The following PPP2R5C variants were observed in gnomAD, a reference collection of about 807,000 sequenced individuals.
The protein encoded by PPP2R5C is protein phosphatase 2 regulatory subunit B'gamma.
Under a neutral mutation model 68.9 loss-of-function variants are expected in PPP2R5C, and 7 were observed. The ratio of observed to expected loss-of-function variants is 0.10; its 90% CI spans 0.06 to 0.19. The LOEUF (loss-of-function observed/expected upper bound fraction) is 0.19. PPP2R5C is among the 10% of genes least tolerant of loss of function. The probability of loss-of-function intolerance (pLI) is 1.00; values close to 1 mark genes in which losing one functional copy is unlikely to be tolerated. For synonymous variants in PPP2R5C, 210 were observed against 222.2 expected, an observed-to-expected ratio of 0.95 and a Z score of 0.49; for missense variants, 348 against 641.3, an observed-to-expected ratio of 0.54 and a Z score of 4.94.
intron 2 of PPP2R5C, among the ~76,000 whole-genome samples, chr14:101,876,882 A>G (rs983550328): frequency 1.3e-5 from 2 of 150,050 alleles, no homozygotes; most frequent in Admixed American, 6.7e-5. Flanking sequence ...GTGCTGTTGC[A>G]TGTGTTTTCT....
chr14:101,761,722 C>A, upstream of PPP2R5C: 1 of 933,274 alleles, frequency 1.1e-6, no homozygotes, highest in Non-Finnish European at 1.3e-6. Flanking sequence ...GCCGTGGCTG[C>A]CGCAGCCTCT....
intron 1 of PPP2R5C, among the ~76,000 whole-genome samples, chr14:101,815,349 G>C (rs368261178): frequency 6.6e-6 from 1 of 152,268 alleles, no homozygotes; most frequent in East Asian, 1.9e-4. Flanking sequence ...TTTCTGTACA[G>C]TGGTAATGGA....
At chr14:101,787,514 A>G (rs564586001) in intron 3 of PPP2R5C, among the ~76,000 whole-genome samples, 10 of 152,062 alleles carry the variant, frequency 6.6e-5, no homozygotes, top group Non-Finnish European at 1.5e-4. Flanking sequence ...CTGTAATCCC[A>G]GCACTTTGGG....
At chr14:101,925,038 G>A in intron 13 of PPP2R5C, 103 bp from the exon 16 acceptor site, 1 of 1,347,702 alleles carries the variant, frequency 7.4e-7, no homozygotes, top group African/African-American at 1.4e-5. Flanking sequence ...GAGTGGGTGA[G>A]GCACACGTGC....
chr14:101,794,043 C>T (rs1258166144), intron 3 of PPP2R5C, among the ~76,000 whole-genome samples: 3 of 152,092 alleles, frequency 2.0e-5, no homozygotes, highest in Admixed American at 6.5e-5. Flanking sequence ...GATGGAGGCA[C>T]GGGGCAAGCC....
intron 2 of PPP2R5C, among the ~76,000 whole-genome samples, chr14:101,881,713 G>A (rs188964466): frequency 2.0e-5 from 3 of 152,348 alleles, no homozygotes; most frequent in Non-Finnish European, 2.9e-5. Flanking sequence ...ATTGTCACAC[G>A]GGTCCTCCCT....
Position 101,781,277 on chromosome 14 carries a change from A to G in PPP2R5C, c.94-4741A>G, listed in dbSNP as rs1458996485. On this transcript the variant is annotated intron_variant, in intron 2 of 14. Coordinates refer to the PPP2R5C transcript ENST00000328724. This position sits in a 1 kb window ranked among gnomAD's most constrained non-coding sequence, Gnocchi z 6.4. The stretch of plus-strand genomic sequence containing the variant: ...GTTTACAGCTGCCGTATTTCCCGGG[A>G]CCCTGGCTTCTGTCCTCAGGGACCC... 6.6e-6 allele frequency among the ~76,000 whole-genome samples: 1 copy of G among 151,812 alleles called. No homozygotes were observed. The highest frequency in any genetic ancestry group is 1.9e-4 in the East Asian group (1 of 5,162).
intron 1 of PPP2R5C, among the ~76,000 whole-genome samples, chr14:101,840,716 G>C (rs1341119097): frequency 6.6e-6 from 1 of 152,032 alleles, no homozygotes; most frequent in Non-Finnish European, 1.5e-5. Context: ...AGTTCCTATT[G>C]CACTGCCCTG....
intron 10 of PPP2R5C, among the ~76,000 whole-genome samples, chr14:101,907,947 A>G (rs2046150114): frequency 6.6e-6 from 1 of 152,182 alleles, no homozygotes; most frequent in Non-Finnish European, 1.5e-5. Flanking sequence ...ACTCGCGTCA[A>G]GTCTTCTGAG....
chr14:101,917,247 G>A lies in PPP2R5C; in HGVS notation c.1327-584G>A, dbSNP rs907392850. Among the ~76,000 whole-genome samples, 1 of 152,194 alleles carries A rather than the reference G, an allele frequency of 6.6e-6. No homozygotes were observed. The highest frequency in any genetic ancestry group is 2.4e-5 in the African/African-American group (1 of 41,436). On this transcript the variant is annotated intron_variant, in intron 12 of 13. Coordinates refer to ENST00000334743, the Ensembl canonical transcript of PPP2R5C. The surrounding 1 kb of genome is among the most constrained non-coding windows in gnomAD (Gnocchi z 4.4). ...GTCCCAGGGCCGCCCGTAGGGAATG[G>A]AGAGGGAGCGTCAGGCTCACCCAGG...
At chr14:101,896,782 C>G (rs1190467616) in intron 8 of PPP2R5C, among the ~76,000 whole-genome samples, 1 of 151,880 alleles carries the variant, frequency 6.6e-6, no homozygotes, top group African/African-American at 2.4e-5. Flanking sequence ...TTTGAATGCT[C>G]TTTTAAAAGT....
At chr14:101,761,702 CGCCGCCGCCGCCGTGGCT>C (rs1445514378), upstream of PPP2R5C, 1 of 388,820 alleles carries the variant, frequency 2.6e-6, no homozygotes, top group Non-Finnish European at 3.5e-6. Flanking sequence ...CCGCCGCCGC[CGCCGCCGCCGCCGTGGCT>C]GCCGCAGCCT....
At chr14:101,883,626 C>T (rs1214574973) in intron 5 of PPP2R5C, 64 bp downstream of exon 7, 9 of 1,567,056 alleles carry the variant, frequency 5.7e-6, no homozygotes, top group Non-Finnish European at 7.8e-6. Flanking sequence ...CCTCGATGCT[C>T]CCCTACCCCA....
chr14:101,923,106 G>C (rs1741141), intron 13 of PPP2R5C, among the ~76,000 whole-genome samples: 50,903 of 152,170 alleles, frequency 0.33, 12,699 homozygotes, highest in African/African-American at 0.71. Context: ...CTGCCAGGCC[G>C]TTCATCAGCC....
intron 2 of PPP2R5C, among the ~76,000 whole-genome samples, chr14:101,858,327 CT>C (rs1260785164): frequency 6.6e-6 from 1 of 151,904 alleles, no homozygotes; most frequent in Admixed American, 6.6e-5. Flanking sequence ...ATTTTATAAT[CT>C]TTTTTCTTTT....
At chr14:101,831,452 T>C (rs1041931679) in intron 1 of PPP2R5C, among the ~76,000 whole-genome samples, 1 of 152,244 alleles carries the variant, frequency 6.6e-6, no homozygotes, top group Non-Finnish European at 1.5e-5. Context: ...TTCAGAAATT[T>C]TTTTTACGCT....
chr14:101,902,607 A>G (rs2045757450), intron 9 of PPP2R5C, among the ~76,000 whole-genome samples: 1 of 152,210 alleles, frequency 6.6e-6, no homozygotes, highest in Non-Finnish European at 1.5e-5. Context: ...AGCAGGCCAC[A>G]CAGTGGAAGA....
chr14:101,902,258 G>T (rs1014456944), intron 9 of PPP2R5C, among the ~76,000 whole-genome samples: 6 of 152,098 alleles, frequency 3.9e-5, no homozygotes, highest in African/African-American at 1.2e-4. Context: ...TCTTGCTGCC[G>T]AGGCCCTTCG....
chr14:101,765,121 G>A, intron 2 of PPP2R5C: 1 of 702,552 alleles, frequency 1.4e-6, no homozygotes, highest in Non-Finnish European at 2.6e-6. Flanking sequence ...GCCTGAGTAT[G>A]ATGCCCCACT....
Sources: gnomAD v4.1 joint callset for allele counts (sites outside exome capture counted in the v4.1 genomes callset) on GRCh38, gnomAD v4.1.1 for gene constraint, Gnocchi (gnomAD v3.1) non-coding constraint, MANE v1.5 for transcripts, NCBI Gene and HGNC (gene_info 2026-07-23, HGNC 2026-07-21) for gene names.